MBD1: variants seen among roughly 807,000 people sequenced by gnomAD.
The protein encoded by MBD1 is methyl-CpG-binding domain protein 1.
In MBD1, 25 loss-of-function variants were observed where a neutral mutation model predicts 82.6. The observed-to-expected ratio is 0.30, with a 90% CI of 0.22 to 0.42. MBD1 has a LOEUF of 0.42. Ranked by LOEUF, MBD1 falls within the 10% of genes least tolerant of loss-of-function variation. The probability of loss-of-function intolerance (pLI) is 1.00; values close to 1 mark genes in which losing one functional copy is unlikely to be tolerated. For missense variants in MBD1, 627 were observed against 819.6 expected (o/e 0.76, Z 2.87); for synonymous variants, 301 against 303.7 (o/e 0.99, Z 0.09).
rs983285129 is a variant in MBD1 at position 50,271,196 on chromosome 18, T to A, written c.*32+273A>T. On this transcript the variant is annotated intron_variant, in intron 16 of 16. Coordinates refer to ENST00000269468, the MANE Select transcript of MBD1 (RefSeq NM_015846.4). ...TGTTTTGTGGTGGCTTTAATTATATTACCTTTCTCCAACCCAGCTCCCCCA... is the reference window on the plus strand; with the variant it reads ...TGTTTTGTGGTGGCTTTAATTATATAACCTTTCTCCAACCCAGCTCCCCCA... The A allele has an allele frequency of 1.0e-5, 13 of 1,300,976 alleles. No individual in the cohort carries two copies. In the African/African-American group the frequency reaches 1.9e-4, roughly 19 times the overall value. 80.6% of individuals were successfully genotyped at this position (1,300,976 alleles called of 1,614,324 possible).
At chr18:50,274,828 A>G (rs1184010371) in intron 10 of MBD1, 149 bp downstream of exon 10, 7 of 803,120 alleles carry the variant, frequency 8.7e-6, no homozygotes, top group Non-Finnish European at 1.5e-5. Flanking sequence ...CTGACCCCGT[A>G]TTAGTCCTCC....
Position 50,281,504 on chromosome 18 carries a change from C to A in MBD1, c.-167G>T. 1 of 579,434 alleles carries A rather than the reference C, an allele frequency of 1.7e-6. No homozygotes were observed. The highest frequency in any genetic ancestry group is 2.9e-5 in the East Asian group (1 of 34,822). 35.9% of individuals were successfully genotyped at this position (579,434 alleles called of 1,614,324 possible). A position where few individuals can be genotyped will look rare whatever the true frequency, so the allele number is the denominator to read the frequency against. ...CCTCTGAAGCGGTAGCTGTCGCCTC[C>A]GCGGCTGTTCGTTGCTCCCGGAACC... On this transcript the variant is annotated 5_prime_UTR_variant, in exon 1 of 17. Transcript: ENST00000269468.
Position 50,273,372 on chromosome 18 carries a change from G to A in MBD1, c.1546C>T (p.Leu516=). Residue 516 remains leucine, a synonymous_variant, in exon 13 of 17, where the codon CTG becomes TTG. Coordinates refer to ENST00000269468, the MANE Select transcript of MBD1 (RefSeq NM_015846.4). The stretch of plus-strand genomic sequence containing the variant: ...CCAGGCACCAATACGGGAGAAGTCA[G>A]GACAGCTGTGCCTGGTGTCCACTCG... ...QDEWTPGTAV[L]TSPVLVPGCP... The A allele has an allele frequency of 1.2e-6, 2 of 1,614,200 alleles. No homozygotes were observed. The highest frequency in any genetic ancestry group is 1.3e-5 in the African/African-American group (1 of 75,040).
At chr18:50,270,204 G>A (rs767370686) in intron 16 of MBD1, 1 of 1,544,778 alleles carries the variant, frequency 6.5e-7, no homozygotes, top group Non-Finnish European at 8.8e-7. Context: ...GACAGAACTG[G>A]GAAATGGCTA....
In MBD1 at chr18:50,276,872, C is replaced by A; in HGVS notation, c.352G>T (p.Ala118Ser). Reference sequence around the variant, plus strand: ...GAAGCTGGGGCTGTGTCAGTGTCAGCCTTGGTCTCATCCCTCGGGGCCTCC... The same window carrying A: ...GAAGCTGGGGCTGTGTCAGTGTCAGACTTGGTCTCATCCCTCGGGGCCTCC... ...RKEAPRDETKADTDTAPASFP... is the reference protein window; with the variant it reads ...RKEAPRDETKSDTDTAPASFP... Residue 118 changes from alanine (A) to serine (S), a missense_variant, in exon 4 of 17, where the codon GCT (alanine) becomes TCT (serine). By Grantham distance (99) the Ala-to-Ser change is moderately conservative. This residue lies in a region of MBD1 where 75 missense variants were observed against 74.7 expected (regional missense o/e 1.00). Transcript: ENST00000269468. 1 of 1,614,250 alleles carries A rather than the reference C, an allele frequency of 6.2e-7. No individual in the cohort carries two copies. Among genetic ancestry groups the A allele is most frequent in the Non-Finnish European group, 8.5e-7 (1 of 1,180,044 alleles).
rs2036587583 is a variant in MBD1 at position 50,273,722 on chromosome 18, C to T, written c.1288G>A (p.Ala430Thr). 6.2e-7 allele frequency: 1 copy of T among 1,614,072 alleles called. No homozygotes were observed. ...GGAGCCTGGGTATGGTCTGGTTGGGCTGTGCGTGTAGCCAAGGTGGGCTTC... is the reference window on the plus strand; with the variant it reads ...GGAGCCTGGGTATGGTCTGGTTGGGTTGTGCGTGTAGCCAAGGTGGGCTTC... ...TLKPTLATRT[A>T]QPDHTQAPTK... The change falls in exon 12 of 17, where the codon GCC becomes ACC. Residue 430 changes from alanine (A) to threonine (T), a missense_variant. Transcript: ENST00000269468.
chr18:50,272,646 C>T, intron 15 of MBD1, 31 bp downstream of exon 15: 1 of 1,613,624 alleles, frequency 6.2e-7, no homozygotes, highest in Non-Finnish European at 8.5e-7. Flanking sequence ...AACACCCACT[C>T]CTTCCCCACC....
intron 1 of MBD1, 80 bp from the exon 2 acceptor site, chr18:50,280,097 G>C: frequency 7.1e-7 from 1 of 1,413,434 alleles, no homozygotes; most frequent in South Asian, 1.3e-5. Flanking sequence ...ACAAATCACT[G>C]GTATCCATTA....
chr18:50,281,172 G>A (rs1183489904), intron 1 of MBD1, 191 bp downstream of exon 1: 16 of 1,533,634 alleles, frequency 1.0e-5, no homozygotes, highest in Middle Eastern at 3.3e-4. Context: ...ACCTGTCAGA[G>A]TTCAGAGCTG....
chr18:50,278,608 C>T (rs2039001530), intron 2 of MBD1, among the ~76,000 whole-genome samples: 2 of 152,154 alleles, frequency 1.3e-5, no homozygotes, highest in South Asian at 4.1e-4. Context: ...GGAAAGATAG[C>T]AACTTAGATT....
chr18:50,276,573 G>T, intron 5 of MBD1, 89 bp downstream of exon 5: 3 of 1,502,240 alleles, frequency 2.0e-6, no homozygotes, highest in South Asian at 1.1e-5. Flanking sequence ...CCTCTGTCCT[G>T]ACATCCACAT....
In MBD1 at chr18:50,273,409, C is replaced by T; in HGVS notation, c.1509G>A (p.Ala503=). Residue 503 remains alanine, a synonymous_variant, in exon 13 of 17, where the codon GCG becomes GCA. Coordinates refer to ENST00000269468, the MANE Select transcript of MBD1 (RefSeq NM_015846.4). ...VALPQVKQEK[A]DTQDEWTPGT... is the part of the protein sequence containing the mutation. ...CTGGTGTCCACTCGTCCTGGGTATC[C>T]GCCTTCTCTTGCTTCACCTGGGGTA... 2 of 1,614,196 alleles carry T rather than the reference C, an allele frequency of 1.2e-6. No individual in the cohort carries two copies. Among genetic ancestry groups the T allele is most frequent in the South Asian group, 1.1e-5 (1 of 91,084 alleles).
At chr18:50,271,377 G>A in intron 16 of MBD1, 92 bp downstream of exon 16, 1 of 1,607,472 alleles carries the variant, frequency 6.2e-7, no homozygotes, top group Non-Finnish European at 8.5e-7. Flanking sequence ...TCCTCCTAGG[G>A]TTGATTCACA....
intron 15 of MBD1, 55 bp downstream of exon 15, chr18:50,272,617 TCAGGG>T: frequency 6.3e-7 from 1 of 1,590,776 alleles, no homozygotes; most frequent in South Asian, 1.1e-5. Context: ...CTTTCAAAAC[TCAGGG>T]CCCACATCTG....
intron 16 of MBD1, chr18:50,271,080 A>G (rs1348067431): frequency 2.9e-6 from 3 of 1,028,088 alleles, no homozygotes; most frequent in Non-Finnish European, 3.5e-6. Context: ...TACATTTTCA[A>G]TTGCTATCTC....
Position 50,281,381 on chromosome 18 carries a change from G to C in MBD1, c.-44C>G. 1 of 718,828 alleles carries C rather than the reference G, an allele frequency of 1.4e-6. No individual in the cohort carries two copies. The highest frequency in any genetic ancestry group is 2.4e-6 in the Non-Finnish European group (1 of 416,386). The allele number at this position is 718,828 out of a possible 1,614,324, so 44.5% of individuals were successfully genotyped here. On this transcript the variant is annotated 5_prime_UTR_variant, in exon 1 of 17. Coordinates refer to ENST00000269468, the MANE Select transcript of MBD1 (RefSeq NM_015846.4). Reference sequence around the variant, plus strand: ...GTCTCACCAGTTTGGCACCAGGCCGGTATCTTCCGCCACTCTAGGCCCGTG... The same window carrying C: ...GTCTCACCAGTTTGGCACCAGGCCGCTATCTTCCGCCACTCTAGGCCCGTG...
chr18:50,274,684 G>C (rs897966786), intron 10 of MBD1, among the ~76,000 whole-genome samples: 3 of 152,068 alleles, frequency 2.0e-5, no homozygotes, highest in East Asian at 3.9e-4. Context: ...CTCTCTATTA[G>C]CTCCCATCAC....
intron 2 of MBD1, among the ~76,000 whole-genome samples, chr18:50,278,309 T>C (rs74715085): frequency 0.022 from 3,368 of 152,342 alleles, 128 homozygotes; most frequent in African/African-American, 0.077. Flanking sequence ...TAACTAAAGC[T>C]GTGGAAAATG....
At position 50,269,474 on chromosome 18, in the gene MBD1, G is replaced by A; in HGVS notation, c.*377C>T. On this transcript the variant is annotated 3_prime_UTR_variant, in exon 17 of 17. Transcript: ENST00000269468. ...TTACACTTGGAAGGTTGGTGCTGGGGCACCAGGCGTTGTTGCAGTTCACAC... is the reference window on the plus strand; with the variant it reads ...TTACACTTGGAAGGTTGGTGCTGGGACACCAGGCGTTGTTGCAGTTCACAC... 1.4e-6 allele frequency: 1 copy of A among 730,718 alleles called. No homozygotes were observed. Among genetic ancestry groups the A allele is most frequent in the Non-Finnish European group, 2.4e-6 (1 of 417,508 alleles). 45.3% of individuals were successfully genotyped at this position (730,718 alleles called of 1,614,324 possible).
Sources: gnomAD v4.1 joint callset for allele counts (sites outside exome capture counted in the v4.1 genomes callset) on GRCh38, gnomAD v4.1.1 for gene constraint, gnomAD v4.1.1 regional missense constraint, MANE v1.5 for transcripts, NCBI Gene and HGNC (gene_info 2026-07-23, HGNC 2026-07-21) for gene names.